The following CYP19A1 variants were observed in gnomAD, a reference collection of about 807,000 sequenced individuals.
The protein encoded by CYP19A1 is aromatase.
A neutral mutation model predicts 44.4 loss-of-function variants in CYP19A1; 32 were observed. The ratio of observed to expected loss-of-function variants is 0.72; its 90% CI spans 0.54 to 0.97. The LOEUF is 0.97. Ranked by LOEUF, CYP19A1 falls within the 50% of genes least tolerant of loss-of-function variation. The pLI, the probability that CYP19A1 is intolerant of heterozygous loss-of-function variation, is 0.00. For synonymous variants in CYP19A1, 212 were observed against 215.6 expected, an observed-to-expected ratio of 0.98 and a Z score of 0.14; for missense variants, 598 against 637.8, an observed-to-expected ratio of 0.94 and a Z score of 0.67.
chr15:51,241,819 G>A (rs2033786474), intron 2 of CYP19A1, among the ~76,000 whole-genome samples: 1 of 152,110 alleles, frequency 6.6e-6, no homozygotes, highest in African/African-American at 2.4e-5. Flanking sequence ...GCAATTATCT[G>A]GAATGTTAAA....
At chr15:51,271,800 TCCC>T (rs2035137113) in intron 1 of CYP19A1, among the ~76,000 whole-genome samples, 2 of 152,318 alleles carry the variant, frequency 1.3e-5, no homozygotes, top group Admixed American at 6.5e-5. Flanking sequence ...GTTCATATTA[TCCC>T]CCCATCAGGG....
intron 1 of CYP19A1, among the ~76,000 whole-genome samples, chr15:51,253,164 A>C (rs2034388772): frequency 6.6e-6 from 1 of 152,184 alleles, no homozygotes; most frequent in Non-Finnish European, 1.5e-5. Context: ...AAATGGGGGA[A>C]ATAGTGGTAT....
chr15:51,254,523 A>G (rs1367881213), intron 1 of CYP19A1, among the ~76,000 whole-genome samples: 1 of 151,684 alleles, frequency 6.6e-6, no homozygotes, highest in Non-Finnish European at 1.5e-5. Context: ...TTTGCTTCTT[A>G]GAATACCAAT....
intron 3 of CYP19A1, among the ~76,000 whole-genome samples, chr15:51,228,369 A>G (rs976973147): frequency 2.0e-5 from 3 of 152,178 alleles, no homozygotes; most frequent in Non-Finnish European, 4.4e-5. Flanking sequence ...TGAGCCACAG[A>G]ATCAGAAGTT....
intron 1 of CYP19A1, among the ~76,000 whole-genome samples, chr15:51,288,870 G>A (rs969808470): frequency 1.6e-4 from 25 of 152,108 alleles, no homozygotes; most frequent in Admixed American, 1.5e-3. Flanking sequence ...AACCAACACC[G>A]ATGAGACAGC....
At chr15:51,326,073 G>A (rs1285388289) in intron 1 of CYP19A1, among the ~76,000 whole-genome samples, 1 of 152,150 alleles carries the variant, frequency 6.6e-6, no homozygotes, top group Non-Finnish European at 1.5e-5. Flanking sequence ...AGTTTCTACT[G>A]AAAGTGAACT....
intron 2 of CYP19A1, among the ~76,000 whole-genome samples, chr15:51,237,848 C>T (rs1024652962): frequency 3.3e-5 from 5 of 152,160 alleles, no homozygotes; most frequent in African/African-American, 7.2e-5. Flanking sequence ...GTTGGTAAAA[C>T]GTTAGATTAA....
At chr15:51,309,432 A>T (rs932992984) in intron 1 of CYP19A1, among the ~76,000 whole-genome samples, 2 of 152,234 alleles carry the variant, frequency 1.3e-5, no homozygotes, top group Non-Finnish European at 2.9e-5. Context: ...TCTCCTTGGC[A>T]GATGGCCCCC....
At chr15:51,301,569 C>A (rs1174772156) in intron 1 of CYP19A1, among the ~76,000 whole-genome samples, 1 of 152,184 alleles carries the variant, frequency 6.6e-6, no homozygotes, top group African/African-American at 2.4e-5. Context: ...GGGCTGACCC[C>A]CCGCGTGCCT....
intron 1 of CYP19A1, among the ~76,000 whole-genome samples, chr15:51,250,733 G>A (rs1215354225): frequency 6.6e-6 from 1 of 152,192 alleles, no homozygotes; most frequent in Non-Finnish European, 1.5e-5. Flanking sequence ...TTCTCACGAG[G>A]AGTCTGACCT....
rs1339057625 is a variant in CYP19A1, at chr15:51,292,189, G to A, written c.-39+46306C>T. 2.6e-5 allele frequency among the ~76,000 whole-genome samples: 4 copies of A among 152,230 alleles called. No individual in the cohort carries two copies. The East Asian group carries it at 7.7e-4, about 29-fold the overall frequency. On this transcript the variant is annotated intron_variant, in intron 1 of 9. Coordinates refer to ENST00000396402, the MANE Select transcript of CYP19A1 (RefSeq NM_000103.4). Reference sequence around the variant, plus strand: ...CTAGCAATCAAATTGGACAGGCAGAGTCACTCGGCTCTCAACCCTGGTGAT... The same window carrying A: ...CTAGCAATCAAATTGGACAGGCAGAATCACTCGGCTCTCAACCCTGGTGAT...
At chr15:51,327,151 A>G (rs996497835) in intron 1 of CYP19A1, among the ~76,000 whole-genome samples, 5 of 152,230 alleles carry the variant, frequency 3.3e-5, no homozygotes, top group African/African-American at 9.6e-5. Context: ...ATTTAGAAGT[A>G]AAGTCACCTA....
chr15:51,234,511 T>C (rs2033256274), intron 3 of CYP19A1, among the ~76,000 whole-genome samples: 1 of 152,192 alleles, frequency 6.6e-6, no homozygotes, highest in South Asian at 2.1e-4. Context: ...CACGGACTTT[T>C]TCTGGAGATT....
At chr15:51,262,651 T>C (rs2034773757) in intron 1 of CYP19A1, among the ~76,000 whole-genome samples, 1 of 152,236 alleles carries the variant, frequency 6.6e-6, no homozygotes. Context: ...GTTATTGATA[T>C]ACGATTTCCC....
At chr15:51,304,981 C>T (rs1187226117) in intron 1 of CYP19A1, among the ~76,000 whole-genome samples, 1 of 144,184 alleles carries the variant, frequency 6.9e-6, no homozygotes, top group African/African-American at 2.6e-5. Flanking sequence ...CTTACTGGAA[C>T]CTCCGCCTTC....
chr15:51,213,347 T>A (rs2031224460), intron 8 of CYP19A1, among the ~76,000 whole-genome samples: 1 of 152,130 alleles, frequency 6.6e-6, no homozygotes, highest in African/African-American at 2.4e-5. Flanking sequence ...TTCCCAGACA[T>A]GGTAAAGCTT....
chr15:51,213,804 GC>G (rs2141038234), intron 8 of CYP19A1, among the ~76,000 whole-genome samples: 1 of 152,256 alleles, frequency 6.6e-6, no homozygotes, highest in East Asian at 1.9e-4. Flanking sequence ...ACTGTATTGA[GC>G]TTGTTTTCTT....
chr15:51,232,662 T>A (rs1433914999), intron 3 of CYP19A1, among the ~76,000 whole-genome samples: 1 of 152,102 alleles, frequency 6.6e-6, no homozygotes, highest in Non-Finnish European at 1.5e-5. Flanking sequence ...ACACCCTACA[T>A]CCAATCTGTC....
intron 1 of CYP19A1, among the ~76,000 whole-genome samples, chr15:51,307,205 C>G (rs984731124): frequency 1.6e-4 from 24 of 152,106 alleles, no homozygotes; most frequent in African/African-American, 5.6e-4. Context: ...GGCAGGGAGC[C>G]TGGTGAGAGT....
Sources: gnomAD v4.1 joint callset for allele counts (sites outside exome capture counted in the v4.1 genomes callset) on GRCh38, gnomAD v4.1.1 for gene constraint, MANE v1.5 for transcripts, NCBI Gene and HGNC (gene_info 2026-07-23, HGNC 2026-07-21) for gene names.